Variants in RBMS3 observed in about 807,000 individuals in gnomAD.
The protein encoded by RBMS3 is RNA binding motif single stranded interacting protein 3.
A neutral mutation model predicts 66.8 loss-of-function variants in RBMS3; 27 were observed. The observed-to-expected ratio is 0.40, with a 90% CI of 0.30 to 0.56. The LOEUF (loss-of-function observed/expected upper bound fraction) is 0.56, where lower values mean the gene tolerates loss of function less well. Among genes scored for constraint, RBMS3 ranks in the 20% least tolerant of loss-of-function variants. The pLI, the probability that RBMS3 is intolerant of heterozygous loss-of-function variation, is 0.40. For missense variants in RBMS3, 513 were observed against 549.5 expected (o/e 0.93, Z 0.66); for synonymous variants, 188 against 183.0 (o/e 1.03, Z -0.22).
chr3:29,902,785 G>C (rs1385654256), intron 10 of RBMS3, among the ~76,000 whole-genome samples: 1 of 151,914 alleles, frequency 6.6e-6, no homozygotes, highest in Non-Finnish European at 1.5e-5. Flanking sequence ...ACTGATTCCT[G>C]AGTTGGAGCC....
intron 1 of RBMS3, among the ~76,000 whole-genome samples, chr3:29,389,669 G>A (rs1036048672): frequency 6.6e-6 from 1 of 152,180 alleles, no homozygotes; most frequent in East Asian, 1.9e-4. Flanking sequence ...TGTTTCTGAA[G>A]TTCTCTGTGC....
rs189166772 is a variant in RBMS3, at chr3:29,947,181, C to A, written c.1098+2927C>A. On this transcript the variant is annotated intron_variant, in intron 12 of 14. Coordinates refer to ENST00000383767, the MANE Select transcript of RBMS3 (RefSeq NM_001003793.3). ...TGGATTTAAGATTTTGGATAATGAA[C>A]TATTTCTTGGCAAAGTTTGAATCAT... Among the ~76,000 whole-genome samples, 330 of 151,532 alleles carry A rather than the reference C, an allele frequency of 2.2e-3. 5 individuals carry two copies. The highest frequency in any genetic ancestry group is 0.021 in the Admixed American group (313 of 15,168).
chr3:29,856,331 G>C (rs1445205428), intron 6 of RBMS3, among the ~76,000 whole-genome samples: 1 of 152,136 alleles, frequency 6.6e-6, no homozygotes, highest in African/African-American at 2.4e-5. Flanking sequence ...TTATGAAAGT[G>C]ATTAAGCAGG....
intron 10 of RBMS3, among the ~76,000 whole-genome samples, chr3:29,911,261 C>T (rs560065282): frequency 2.6e-5 from 4 of 152,016 alleles, no homozygotes; most frequent in African/African-American, 9.7e-5. Flanking sequence ...GGGTTTTGGT[C>T]CTATTCACCA....
chr3:29,658,302 T>C (rs1484623272), intron 4 of RBMS3, among the ~76,000 whole-genome samples: 1 of 152,158 alleles, frequency 6.6e-6, no homozygotes, highest in Non-Finnish European at 1.5e-5. Flanking sequence ...CTTAAAACAA[T>C]GCTTCTCAAA....
At chr3:29,484,589 T>G (rs2125825473) in intron 2 of RBMS3, among the ~76,000 whole-genome samples, 1 of 152,304 alleles carries the variant, frequency 6.6e-6, no homozygotes, top group African/African-American at 2.4e-5. Flanking sequence ...GGGGACAAAA[T>G]TCAGTCCATA....
chr3:29,657,464 T>TC (rs1351622759), intron 4 of RBMS3, among the ~76,000 whole-genome samples: 1 of 152,354 alleles, frequency 6.6e-6, no homozygotes, highest in East Asian at 1.9e-4. Context: ...TTGAAAGTGT[T>TC]CAACTTTGAA....
intron 6 of RBMS3, among the ~76,000 whole-genome samples, chr3:29,816,392 A>C (rs573159938): frequency 8.3e-4 from 127 of 152,114 alleles, no homozygotes; most frequent in African/African-American, 2.9e-3. Flanking sequence ...ACTCCCCTAC[A>C]TGCAGGTGAG....
chr3:29,651,945 T>A (rs1020628290), intron 4 of RBMS3, among the ~76,000 whole-genome samples: 3 of 152,160 alleles, frequency 2.0e-5, no homozygotes, highest in Non-Finnish European at 4.4e-5. Context: ...ACATGGTAGT[T>A]TTAAAACATT....
chr3:29,712,112 T>G (rs1262404997), intron 4 of RBMS3, among the ~76,000 whole-genome samples: 3 of 152,130 alleles, frequency 2.0e-5, no homozygotes, highest in Admixed American at 6.5e-5. Context: ...TTTTGCCTCA[T>G]TATATAAGAG....
chr3:29,814,297 G>A (rs1455629073), intron 6 of RBMS3, among the ~76,000 whole-genome samples: 1 of 152,090 alleles, frequency 6.6e-6, no homozygotes, highest in African/African-American at 2.4e-5. Context: ...TGATTTGCGT[G>A]TATTGAACCA....
chr3:29,666,432 T>G (rs924694239), intron 4 of RBMS3, among the ~76,000 whole-genome samples: 1 of 152,220 alleles, frequency 6.6e-6, no homozygotes, highest in African/African-American at 2.4e-5. Context: ...ATTTGCTTAA[T>G]GAATGAGTAA....
chr3:29,698,864 A>T (rs1194294295), intron 4 of RBMS3, among the ~76,000 whole-genome samples: 1 of 152,188 alleles, frequency 6.6e-6, no homozygotes, highest in African/African-American at 2.4e-5. Context: ...GACTATTATA[A>T]AATATTTATC....
chr3:29,297,933 GGAAATGAA>G lies in RBMS3; in HGVS notation c.75+16179_75+16186del, dbSNP rs1435737272. 3.6e-4 allele frequency among the ~76,000 whole-genome samples: 55 copies of G among 151,914 alleles called. 1 individual carries two copies. Among genetic ancestry groups the G allele is most frequent in the Non-Finnish European group, 6.5e-4 (44 of 67,880 alleles). On this transcript the variant is annotated intron_variant, in intron 1 of 14. Transcript: ENST00000383767. ...AGATAATTCTTCAGACTATTCACTGGGAAATGAAGGAATGGAGTTTTGTTTTAGTTTTT... is the reference window on the plus strand; with the variant it reads ...AGATAATTCTTCAGACTATTCACTGGGGAATGGAGTTTTGTTTTAGTTTTT...
At chr3:29,399,246 T>C (rs1414109601) in intron 1 of RBMS3, among the ~76,000 whole-genome samples, 1 of 152,098 alleles carries the variant, frequency 6.6e-6, no homozygotes, top group Non-Finnish European at 1.5e-5. Context: ...CAAATATGCA[T>C]ACATCCACAC....
chr3:29,756,028 A>G (rs1233964575), intron 5 of RBMS3, among the ~76,000 whole-genome samples: 2 of 152,216 alleles, frequency 1.3e-5, no homozygotes, highest in Non-Finnish European at 2.9e-5. Context: ...TTGCCTTAGG[A>G]TTGGCAATTG....
intron 2 of RBMS3, among the ~76,000 whole-genome samples, chr3:29,449,466 ATCTT>A: frequency 6.6e-6 from 1 of 152,346 alleles, no homozygotes; most frequent in East Asian, 1.9e-4. Flanking sequence ...TGCAGTTTAA[ATCTT>A]TCTATCACTT....
chr3:29,570,949 CA>C (rs1273719026), intron 3 of RBMS3, among the ~76,000 whole-genome samples: 1 of 141,132 alleles, frequency 7.1e-6, no homozygotes, highest in Non-Finnish European at 1.5e-5. Flanking sequence ...CAACAGTATA[CA>C]AGGGTTGGTT....
intron 6 of RBMS3, among the ~76,000 whole-genome samples, chr3:29,868,288 G>T (rs1326627730): frequency 6.6e-6 from 1 of 152,094 alleles, no homozygotes; most frequent in Non-Finnish European, 1.5e-5. Context: ...TATAATAATT[G>T]TTCTCCCTGG....
Sources: allele counts gnomAD v4.1 joint callset (sites outside exome capture counted in the v4.1 genomes callset), GRCh38; gene constraint gnomAD v4.1.1; transcripts MANE v1.5; gene names NCBI Gene and HGNC (gene_info 2026-07-23, HGNC 2026-07-21).